Variants in ASIC2 observed in about 807,000 individuals in gnomAD.
The protein encoded by ASIC2 is acid-sensing ion channel 2.
In ASIC2, 25 loss-of-function variants were observed where a neutral mutation model predicts 57.3. That is an observed-to-expected ratio of 0.44 (90% CI 0.32 to 0.61). The LOEUF (loss-of-function observed/expected upper bound fraction) is 0.61. ASIC2 is among the 20% of genes least tolerant of loss of function. The pLI, the probability that ASIC2 is intolerant of heterozygous loss-of-function variation, is 0.06. For synonymous variants in ASIC2, 319 were observed against 307.5 expected, an observed-to-expected ratio of 1.04 and a Z score of -0.39; for missense variants, 641 against 738.1, an observed-to-expected ratio of 0.87 and a Z score of 1.52.
intron 1 of ASIC2, among the ~76,000 whole-genome samples, chr17:33,240,430 T>C (rs1597646376): frequency 6.6e-6 from 1 of 152,064 alleles, no homozygotes; most frequent in African/African-American, 2.4e-5. Context: ...TTTGTTGAGG[T>C]TGGATAGAGA....
At chr17:33,104,522 A>G (rs1053714748) in intron 2 of ASIC2, among the ~76,000 whole-genome samples, 2 of 152,182 alleles carry the variant, frequency 1.3e-5, no homozygotes, top group African/African-American at 4.8e-5. Flanking sequence ...ACCAAGGGAG[A>G]AAGCAAACGG....
intron 1 of ASIC2, among the ~76,000 whole-genome samples, chr17:33,353,966 A>T (rs1434675631): frequency 6.6e-6 from 1 of 152,212 alleles, no homozygotes; most frequent in African/African-American, 2.4e-5. Context: ...TAATGGACTC[A>T]CAGTTCCACA....
chr17:33,623,949 C>T (rs1905895659), intron 1 of ASIC2: 1 of 152,172 alleles, frequency 6.6e-6, no homozygotes, highest in Admixed American at 6.5e-5. Context: ...CCTTCTGCTT[C>T]CTTGCCTGCC....
intron 1 of ASIC2, among the ~76,000 whole-genome samples, chr17:33,130,031 T>C (rs2092338981): frequency 2.0e-5 from 3 of 152,118 alleles, no homozygotes; most frequent in Admixed American, 2.0e-4. Flanking sequence ...GCAGTTTTCC[T>C]GTATAGCCCG....
chr17:33,846,826 G>A (rs948246751), intron 1 of ASIC2, among the ~76,000 whole-genome samples: 13 of 151,568 alleles, frequency 8.6e-5, no homozygotes, highest in African/African-American at 1.7e-4. Flanking sequence ...CCGGGTTCAC[G>A]CCTTTCTCCT....
At chr17:33,593,210 TG>T (rs1438476092) in intron 1 of ASIC2, among the ~76,000 whole-genome samples, 2 of 152,228 alleles carry the variant, frequency 1.3e-5, no homozygotes, top group African/African-American at 4.8e-5. Flanking sequence ...AGCAATTGTA[TG>T]TGCAGGCACA....
At chr17:33,140,523 A>C (rs561959725) in intron 1 of ASIC2, among the ~76,000 whole-genome samples, 4 of 152,362 alleles carry the variant, frequency 2.6e-5, no homozygotes, top group Admixed American at 2.6e-4. Context: ...TGTGGTTAGC[A>C]TTGCAGGAAA....
intron 1 of ASIC2, among the ~76,000 whole-genome samples, chr17:34,064,975 T>G (rs796338151): frequency 2.6e-5 from 4 of 152,310 alleles, no homozygotes; most frequent in African/African-American, 9.6e-5. Context: ...ATGTGGAGAT[T>G]CTTTAAAGAA....
At chr17:33,706,883 A>G (rs1908879324) in intron 1 of ASIC2, among the ~76,000 whole-genome samples, 2 of 152,184 alleles carry the variant, frequency 1.3e-5, no homozygotes, top group African/African-American at 4.8e-5. Flanking sequence ...CTGAAATCCT[A>G]ACTGTTGGAG....
At chr17:33,744,699 G>A (rs1910210948) in intron 1 of ASIC2, among the ~76,000 whole-genome samples, 1 of 152,060 alleles carries the variant, frequency 6.6e-6, no homozygotes, top group African/African-American at 2.4e-5. Context: ...AAAAAAAGCA[G>A]GCAACAAAAC....
At chr17:33,146,767 G>A (rs563240471) in intron 1 of ASIC2, among the ~76,000 whole-genome samples, 1 of 152,340 alleles carries the variant, frequency 6.6e-6, no homozygotes, top group Admixed American at 6.5e-5. Flanking sequence ...AACAGCCGAG[G>A]CCTAGGCCAG....
intron 1 of ASIC2, among the ~76,000 whole-genome samples, chr17:34,080,363 T>C (rs1265721611): frequency 2.0e-5 from 3 of 152,294 alleles, no homozygotes; most frequent in East Asian, 3.9e-4. Flanking sequence ...CAGCCCAGCT[T>C]CCCTGGCACT....
chr17:34,074,591 T>C (rs765139277), intron 1 of ASIC2, among the ~76,000 whole-genome samples: 1 of 152,122 alleles, frequency 6.6e-6, no homozygotes, highest in Non-Finnish European at 1.5e-5. Flanking sequence ...TAGCGTTTAT[T>C]GTTAAGCTCC....
intron 1 of ASIC2, among the ~76,000 whole-genome samples, chr17:33,446,958 T>G (rs1041903967): frequency 2.6e-5 from 4 of 152,188 alleles, no homozygotes; most frequent in African/African-American, 9.7e-5. Flanking sequence ...AATGAGATAA[T>G]GGATAGAAAA....
chr17:33,078,290 A>C (rs1283563112), intron 3 of ASIC2, among the ~76,000 whole-genome samples: 1 of 152,066 alleles, frequency 6.6e-6, no homozygotes, highest in Non-Finnish European at 1.5e-5. Context: ...GAGGGTGGGC[A>C]CCACCAAGGG....
chr17:34,088,863 G>A (rs952452685), intron 1 of ASIC2, among the ~76,000 whole-genome samples: 3 of 152,230 alleles, frequency 2.0e-5, no homozygotes, highest in African/African-American at 7.2e-5. Flanking sequence ...TAATCTCCTG[G>A]TGTGCTGTTT....
chr17:33,857,962 C>T (rs1227843429), intron 1 of ASIC2, among the ~76,000 whole-genome samples: 1 of 152,222 alleles, frequency 6.6e-6, no homozygotes, highest in Non-Finnish European at 1.5e-5. Context: ...CACAGCAAAC[C>T]TCTGTCCAGC....
At chr17:33,237,093 G>C (rs1908322285) in intron 1 of ASIC2, among the ~76,000 whole-genome samples, 1 of 152,178 alleles carries the variant, frequency 6.6e-6, no homozygotes, top group Non-Finnish European at 1.5e-5. Flanking sequence ...TTTTGATACA[G>C]GGACATGAAG....
chr17:33,217,729 C>G (rs1430218753), intron 1 of ASIC2, among the ~76,000 whole-genome samples: 1 of 152,204 alleles, frequency 6.6e-6, no homozygotes, highest in Non-Finnish European at 1.5e-5. Flanking sequence ...CAGGTTTCTT[C>G]TCTATAAATC....
Sources: allele counts gnomAD v4.1 joint callset (sites outside exome capture counted in the v4.1 genomes callset), GRCh38; gene constraint gnomAD v4.1.1; transcripts MANE v1.5; gene names NCBI Gene and HGNC (gene_info 2026-07-23, HGNC 2026-07-21).